The following GRIA1 variants were observed in gnomAD, a reference collection of about 807,000 sequenced individuals.
GRIA1 encodes glutamate ionotropic receptor AMPA type subunit 1.
Under a neutral mutation model 99.2 loss-of-function variants are expected in GRIA1, and 31 were observed. The observed-to-expected ratio is 0.31, with a 90% confidence interval of 0.23 to 0.42. The LOEUF (loss-of-function observed/expected upper bound fraction) is 0.42, where lower values mean the gene tolerates loss of function less well. GRIA1 is among the 10% of genes least tolerant of loss of function. GRIA1 has a pLI of 1.00. For synonymous variants in GRIA1, 438 were observed against 432.4 expected (o/e 1.01, Z -0.16); for missense variants, 782 against 1,157.5 (o/e 0.68, Z 4.71).
chr5:153,647,033 T>C lies in GRIA1; in HGVS notation c.326T>C (p.Ile109Thr). The C allele has an allele frequency of 6.2e-7, 1 of 1,614,034 alleles. No homozygotes were observed. The highest frequency in any genetic ancestry group is 8.5e-7 in the Non-Finnish European group (1 of 1,179,918). ...SFCGALHVCF[I>T]TPSFPVDTSN... is the part of the protein sequence containing the mutation. ...TGTGGGGCCCTCCACGTCTGCTTCATTACGCCGAGCTTTCCCGTTGATACA... is the reference window on the plus strand; with the variant it reads ...TGTGGGGCCCTCCACGTCTGCTTCACTACGCCGAGCTTTCCCGTTGATACA... The change falls in exon 3 of 16, where the codon ATT becomes ACT. Residue 109 changes from isoleucine (I) to threonine (T), a missense_variant. By Grantham distance (89) the Ile-to-Thr change is moderately conservative. This residue lies in a region of GRIA1 where 461 missense variants were observed against 521.7 expected (regional missense o/e 0.88). Transcript: ENST00000285900.
intron 8 of GRIA1, among the ~76,000 whole-genome samples, chr5:153,697,660 T>G (rs532192453): frequency 6.6e-6 from 1 of 152,254 alleles, no homozygotes; most frequent in African/African-American, 2.4e-5. Flanking sequence ...TCAGAATGAG[T>G]TCACTGAAGT....
At chr5:153,769,461 C>A (rs145230757) in intron 12 of GRIA1, among the ~76,000 whole-genome samples, 1 of 151,924 alleles carries the variant, frequency 6.6e-6, no homozygotes, top group Non-Finnish European at 1.5e-5. Context: ...TAGACAGAAC[C>A]AGCATCTCAA....
chr5:153,629,265 G>C lies in GRIA1; in HGVS notation c.221-17663G>C, dbSNP rs113674749. On this transcript the variant is annotated intron_variant, in intron 2 of 15. Transcript: ENST00000285900. Reference sequence around the variant, plus strand: ...TGGGTAAAGCTGAAACATGCAGCTCGTGCTTCCACAAGGCATCCTCAGCAT... The same window carrying C: ...TGGGTAAAGCTGAAACATGCAGCTCCTGCTTCCACAAGGCATCCTCAGCAT... Among the ~76,000 whole-genome samples, 1,359 of 152,148 alleles carry C rather than the reference G, an allele frequency of 8.9e-3. 8 individuals are homozygous for C. The highest frequency in any genetic ancestry group is 0.014 in the Non-Finnish European group (974 of 68,024).
intron 5 of GRIA1, among the ~76,000 whole-genome samples, chr5:153,660,745 C>T (rs1016660840): frequency 1.2e-4 from 18 of 152,192 alleles, no homozygotes; most frequent in Admixed American, 2.0e-4. Context: ...TCCAAACTGG[C>T]TCTACAGACA....
intron 5 of GRIA1, among the ~76,000 whole-genome samples, chr5:153,672,679 A>T (rs1449003507): frequency 1.3e-5 from 2 of 152,220 alleles, no homozygotes; most frequent in African/African-American, 2.4e-5. Flanking sequence ...AGAGAAAGCC[A>T]ATGAGAAATT....
At chr5:153,701,834 ATAAC>A (rs1758556233) in intron 10 of GRIA1, among the ~76,000 whole-genome samples, 1 of 152,134 alleles carries the variant, frequency 6.6e-6, no homozygotes, top group Non-Finnish European at 1.5e-5. Flanking sequence ...GGCTTTCTAA[ATAAC>A]TAAGTCGATC....
chr5:153,556,332 G>T (rs1214923897), intron 2 of GRIA1, among the ~76,000 whole-genome samples: 1 of 152,108 alleles, frequency 6.6e-6, no homozygotes, highest in Admixed American at 6.6e-5. Context: ...TGCCTCAAAA[G>T]GTCGCTCTTC....
At chr5:153,738,720 CTTTTTTTTTT>C (rs55874747) in intron 11 of GRIA1, among the ~76,000 whole-genome samples, 1 of 102,348 alleles carries the variant, frequency 9.8e-6, no homozygotes, top group Admixed American at 1.2e-4. Context: ...TCCATACCTT[CTTTTTTTTTT>C]TTTTTTTTGG....
intron 15 of GRIA1, among the ~76,000 whole-genome samples, chr5:153,807,983 A>G (rs1181996527): frequency 1.3e-5 from 2 of 152,240 alleles, no homozygotes; most frequent in African/African-American, 4.8e-5. Flanking sequence ...GAATTAATGA[A>G]CAGCTGAGAG....
chr5:153,555,275 G>T (rs1361436085), intron 2 of GRIA1, among the ~76,000 whole-genome samples: 1 of 151,152 alleles, frequency 6.6e-6, no homozygotes, highest in East Asian at 1.9e-4. Context: ...TCCCATACTA[G>T]ATTCTGATAT....
At chr5:153,707,856 T>A (rs969144856) in intron 11 of GRIA1, among the ~76,000 whole-genome samples, 1 of 152,030 alleles carries the variant, frequency 6.6e-6, no homozygotes. Context: ...GGTGTGAGAC[T>A]GGCTGCTTGG....
chr5:153,723,693 G>A (rs1046454052), intron 11 of GRIA1, among the ~76,000 whole-genome samples: 1 of 152,026 alleles, frequency 6.6e-6, no homozygotes, highest in East Asian at 1.9e-4. Context: ...GCTGGGGGAG[G>A]GGCCCCCGCC....
intron 2 of GRIA1, among the ~76,000 whole-genome samples, chr5:153,523,514 T>TA (rs1757335557): frequency 6.6e-6 from 1 of 151,696 alleles, no homozygotes; most frequent in Non-Finnish European, 1.5e-5. Flanking sequence ...TTTGAACATT[T>TA]TTTTTTTTAT....
chr5:153,775,001 TG>T (rs1361716659), intron 13 of GRIA1, among the ~76,000 whole-genome samples: 1 of 151,966 alleles, frequency 6.6e-6, no homozygotes, highest in African/African-American at 2.4e-5. Flanking sequence ...TGTTTGGGGG[TG>T]GGAGAGGGGC....
chr5:153,786,857 G>T (rs1300537895), intron 13 of GRIA1, among the ~76,000 whole-genome samples: 5 of 152,298 alleles, frequency 3.3e-5, no homozygotes, highest in South Asian at 2.1e-4. Flanking sequence ...GAGGCACACT[G>T]GTTGAGAAAG....
At chr5:153,709,384 T>C (rs558913823) in intron 11 of GRIA1, among the ~76,000 whole-genome samples, 207 of 152,350 alleles carry the variant, frequency 1.4e-3, no homozygotes, top group Non-Finnish European at 2.2e-3. Flanking sequence ...GAATTGCATA[T>C]ATCTGCACTT....
intron 2 of GRIA1, among the ~76,000 whole-genome samples, chr5:153,504,530 CAA>C (rs1175311902): frequency 2.6e-5 from 4 of 151,866 alleles, no homozygotes; most frequent in Non-Finnish European, 4.4e-5. Flanking sequence ...CCAATGCAGA[CAA>C]AAAGTCAACA....
At chr5:153,737,783 A>G (rs759105706) in intron 11 of GRIA1, among the ~76,000 whole-genome samples, 11 of 152,194 alleles carry the variant, frequency 7.2e-5, no homozygotes, top group Non-Finnish European at 1.6e-4. Flanking sequence ...TTACATACAG[A>G]TGGGGAAACA....
chr5:153,532,211 T>C (rs1301963894), intron 2 of GRIA1, among the ~76,000 whole-genome samples: 1 of 152,168 alleles, frequency 6.6e-6, no homozygotes, highest in Non-Finnish European at 1.5e-5. Context: ...CCCAAACTGA[T>C]GAGTATCTTG....
Sources: gnomAD v4.1 joint callset for allele counts (sites outside exome capture counted in the v4.1 genomes callset) on GRCh38, gnomAD v4.1.1 for gene constraint, gnomAD v4.1.1 regional missense constraint, MANE v1.5 for transcripts, NCBI Gene and HGNC (gene_info 2026-07-23, HGNC 2026-07-21) for gene names.